Variants in EXOSC5 observed in about 807,000 individuals in gnomAD.
EXOSC5 encodes exosome component 5.
A neutral mutation model predicts 23.7 loss-of-function variants in EXOSC5; 15 were observed. That is an observed-to-expected ratio of 0.63 (90% CI 0.42 to 0.97). The LOEUF (loss-of-function observed/expected upper bound fraction) is 0.97, where lower values mean the gene tolerates loss of function less well. Ranked by LOEUF, EXOSC5 falls within the 50% of genes least tolerant of loss-of-function variation. The probability of loss-of-function intolerance (pLI) is 0.00; values close to 1 mark genes in which losing one functional copy is unlikely to be tolerated. For missense variants in EXOSC5, 305 were observed against 316.3 expected (o/e 0.96, Z 0.27); for synonymous variants, 143 against 140.9 (o/e 1.02, Z -0.11).
At chr19:41,396,593 T>C (rs1477422597) in intron 1 of EXOSC5, among the ~76,000 whole-genome samples, 1 of 151,136 alleles carries the variant, frequency 6.6e-6, no homozygotes, top group South Asian at 2.1e-4. Flanking sequence ...GGATATTTGC[T>C]CTATAGGTAA....
chr19:41,386,478 A>G lies in EXOSC5; in HGVS notation c.*155T>C. The G allele has an allele frequency of 1.6e-6, 1 of 636,910 alleles. No homozygotes were observed. Among genetic ancestry groups the G allele is most frequent in the South Asian group, 2.0e-5 (1 of 49,062 alleles). The allele number at this position is 636,910 out of a possible 1,614,324, so 39.5% of individuals were successfully genotyped here. A position where few individuals can be genotyped will look rare whatever the true frequency, so the allele number is the denominator to read the frequency against. ...TGCCCCCAGGCCTGGGGGCTGTCAC[A>G]GGCCAAGGCCTCCCCACAGGAGCCC... On this transcript the variant is annotated 3_prime_UTR_variant, in exon 6 of 6. Transcript: ENST00000221233.
chr19:41,393,055 C>T (rs572460478), intron 1 of EXOSC5, 75 bp from the exon 2 acceptor site: 116 of 1,211,272 alleles, frequency 9.6e-5, no homozygotes, highest in African/African-American at 5.8e-4. Context: ...CTGAGCCTGA[C>T]GGCCAGGGCT....
In EXOSC5 at chr19:41,397,200, G is replaced by A. The variant is rs369024021; in HGVS notation, c.129C>T (p.Gly43=). Reference sequence around the variant, plus strand: ...TCTTACCTTGCAGGAAGGAAGCAGAGCCATCTGGCCGCGACAGCAGGTTCT... The same window carrying A: ...TCTTACCTTGCAGGAAGGAAGCAGAACCATCTGGCCGCGACAGCAGGTTCT... ...CEQNLLSRPD[G]SASFLQGDTS... Residue 43 remains glycine, a synonymous_variant, in exon 1 of 6, where the codon GGC becomes GGT. Transcript: ENST00000221233. The A allele has an allele frequency of 5.6e-6, 9 of 1,614,106 alleles. No individual in the cohort carries two copies. Among genetic ancestry groups the A allele is most frequent in the African/African-American group, 2.7e-5 (2 of 75,064 alleles).
At chr19:41,392,539 G>A (rs546249466) in intron 2 of EXOSC5, among the ~76,000 whole-genome samples, 4 of 151,986 alleles carry the variant, frequency 2.6e-5, no homozygotes, top group Non-Finnish European at 5.9e-5. Context: ...AGCTGAGATC[G>A]TGCCACTGCA....
At chr19:41,395,707 C>G (rs1487814451) in intron 1 of EXOSC5, among the ~76,000 whole-genome samples, 1 of 152,170 alleles carries the variant, frequency 6.6e-6, no homozygotes, top group African/African-American at 2.4e-5. Context: ...TCTGAGTCTC[C>G]TTTGCTAGCT....
intron 3 of EXOSC5, among the ~76,000 whole-genome samples, chr19:41,390,786 G>A (rs866169150): frequency 2.6e-5 from 4 of 152,268 alleles, no homozygotes; most frequent in Middle Eastern, 3.4e-3. Context: ...TTAGTCAACC[G>A]GTTCCAGCTC....
Position 41,392,938 on chromosome 19 carries a change from A to G in EXOSC5, c.191T>C (p.Val64Ala). Residue 64 changes from valine to alanine, a missense_variant, in exon 2 of 6, where the codon GTG becomes GCG. Val to Ala is a moderately conservative substitution (Grantham distance 64). Coordinates refer to ENST00000221233, the MANE Select transcript of EXOSC5 (RefSeq NM_020158.4). Reference sequence around the variant, plus strand: ...GTTGAAAATCTCTTTGCTGACCTTCACCTCGGCCGGCCCGTACACACCCGC... The same window carrying G: ...GTTGAAAATCTCTTTGCTGACCTTCGCCTCGGCCGGCCCGTACACACCCGC... ...VLAGVYGPAE[V>A]KVSKEIFNKA... The G allele has an allele frequency of 6.2e-7, 1 of 1,613,366 alleles. No individual in the cohort carries two copies. Among genetic ancestry groups the G allele is most frequent in the Non-Finnish European group, 8.5e-7 (1 of 1,179,974 alleles).
rs145693270 is a variant in EXOSC5, at chr19:41,396,064, T to A, written c.148+1117A>T. Among the ~76,000 whole-genome samples the A allele has an allele frequency of 8.8e-3, 1,338 of 152,090 alleles. 9 individuals carry two copies. Among genetic ancestry groups the A allele is most frequent in the Non-Finnish European group, 0.015 (993 of 67,988 alleles). On this transcript the variant is annotated intron_variant, in intron 1 of 5. Transcript: ENST00000221233. ...ATCACCTCCCTGTTTTCCCCCATAC[T>A]CCCCACAATCAACACAGCAGCCAAA...
chr19:41,391,527 G>T (rs146230540), intron 3 of EXOSC5: 24 of 290,382 alleles, frequency 8.3e-5, no homozygotes, highest in Non-Finnish European at 1.3e-4. Context: ...CCTGAAACAT[G>T]CGAACATAAG....
chr19:41,394,771 A>C (rs2039049101), intron 1 of EXOSC5, among the ~76,000 whole-genome samples: 1 of 151,966 alleles, frequency 6.6e-6, no homozygotes, highest in Non-Finnish European at 1.5e-5. Flanking sequence ...GAGGTGGCTC[A>C]CGCCTGTAAT....
intron 1 of EXOSC5, among the ~76,000 whole-genome samples, chr19:41,394,701 A>T (rs1322882991): frequency 6.6e-6 from 1 of 152,112 alleles, no homozygotes; most frequent in Non-Finnish European, 1.5e-5. Flanking sequence ...TATTTTTAGT[A>T]GAGATGGGTT....
intron 1 of EXOSC5, among the ~76,000 whole-genome samples, chr19:41,396,956 C>T (rs2039072757): frequency 6.6e-6 from 1 of 152,074 alleles, no homozygotes; most frequent in Non-Finnish European, 1.5e-5. Context: ...TCTGCCCCTC[C>T]TCTCATTCTC....
At chr19:41,387,408 A>T in intron 5 of EXOSC5, 106 bp downstream of exon 5, 1 of 865,076 alleles carries the variant, frequency 1.2e-6, no homozygotes, top group Non-Finnish European at 1.7e-6. Flanking sequence ...GAAGAAATTT[A>T]AGAGGCTCTC....
chr19:41,389,375 C>A (rs1050713658), intron 4 of EXOSC5, among the ~76,000 whole-genome samples: 1 of 152,238 alleles, frequency 6.6e-6, no homozygotes, highest in Non-Finnish European at 1.5e-5. Flanking sequence ...AAGCGATTCT[C>A]CTGCCTCAGC....
chr19:41,386,777 C>T (rs775925286), intron 5 of EXOSC5, 52 bp from the exon 6 acceptor site: 40 of 1,507,564 alleles, frequency 2.7e-5, no homozygotes, highest in East Asian at 7.4e-5. Context: ...CATGCACACA[C>T]GACTTGGCTG....
At chr19:41,387,338 C>A (rs1211112899) in intron 5 of EXOSC5, among the ~76,000 whole-genome samples, 176 bp downstream of exon 5, 2 of 152,132 alleles carry the variant, frequency 1.3e-5, no homozygotes, top group Non-Finnish European at 2.9e-5. Context: ...ATTGGGCTTC[C>A]CTTAAACATT....
At chr19:41,393,676 C>A (rs1395232419) in intron 1 of EXOSC5, among the ~76,000 whole-genome samples, 1 of 152,082 alleles carries the variant, frequency 6.6e-6, no homozygotes, top group Non-Finnish European at 1.5e-5. Flanking sequence ...TCTCCTGCCT[C>A]AGCCTACTGA....
intron 1 of EXOSC5, among the ~76,000 whole-genome samples, chr19:41,394,532 T>C (rs2039047415): frequency 6.6e-6 from 1 of 151,926 alleles, no homozygotes; most frequent in South Asian, 2.1e-4. Flanking sequence ...TTTTCTTTTT[T>C]GGGACAGAGT....
intron 4 of EXOSC5, 109 bp from the exon 5 acceptor site, chr19:41,387,712 C>T: frequency 1.6e-6 from 1 of 633,526 alleles, no homozygotes; most frequent in South Asian, 3.7e-5. Flanking sequence ...AATCTCACCA[C>T]TTTGGGAGGC....
Sources: allele counts gnomAD v4.1 joint callset (sites outside exome capture counted in the v4.1 genomes callset), GRCh38; gene constraint gnomAD v4.1.1; transcripts MANE v1.5; gene names NCBI Gene and HGNC (gene_info 2026-07-23, HGNC 2026-07-21).